ZBED4: variants seen among roughly 807,000 people sequenced by gnomAD.
ZBED4 encodes zinc finger BED-type containing 4.
In ZBED4, 4 loss-of-function variants were observed where a neutral mutation model predicts 15.5. The observed-to-expected ratio is 0.26, with a 90% CI of 0.13 to 0.59. The LOEUF is 0.59. Ranked by LOEUF, ZBED4 falls within the 20% of genes least tolerant of loss-of-function variation. The pLI, the probability that ZBED4 is intolerant of heterozygous loss-of-function variation, is 0.90. For synonymous variants in ZBED4, 692 were observed against 608.5 expected, an observed-to-expected ratio of 1.14 and a Z score of -2.02; for missense variants, 1,323 against 1,461.8, an observed-to-expected ratio of 0.91 and a Z score of 1.55.
chr22:49,878,358 A>G (rs920880113), intron 1 of ZBED4, among the ~76,000 whole-genome samples: 4 of 151,716 alleles, frequency 2.6e-5, no homozygotes, highest in African/African-American at 9.7e-5. Context: ...CTCAAGAGTA[A>G]TAATAACTGG....
chr22:49,859,000 A>C (rs956636721), intron 1 of ZBED4, among the ~76,000 whole-genome samples: 2 of 151,966 alleles, frequency 1.3e-5, no homozygotes, highest in South Asian at 4.2e-4. Context: ...GACTTTGCTC[A>C]CTGGCCCTTT....
rs759274549 is a variant in ZBED4, at chr22:49,885,609, C to A, written c.1947C>A (p.Tyr649Ter). 2.5e-6 allele frequency: 4 copies of A among 1,609,940 alleles called. No homozygotes were observed. The highest frequency in any genetic ancestry group is 3.4e-6 in the Non-Finnish European group (4 of 1,176,898). The part of the protein sequence containing the change: ...SSFDDTNEKF[Y>*]DSHPVAKKIT... ...TTGATGACACCAATGAGAAGTTTTACGATTCTCACCCAGTTGCCAAAAAAA... is the reference window on the plus strand; with the variant it reads ...TTGATGACACCAATGAGAAGTTTTAAGATTCTCACCCAGTTGCCAAAAAAA... The change falls in exon 2 of 2, where the codon TAC (tyrosine) becomes TAA (stop). Residue 649 changes from tyrosine to a stop codon, truncating the protein, a stop_gained. Coordinates refer to ENST00000216268, the MANE Select transcript of ZBED4 (RefSeq NM_014838.3). LOFTEE classifies it high-confidence loss of function.
intron 1 of ZBED4, among the ~76,000 whole-genome samples, chr22:49,868,350 C>G (rs970439309): frequency 6.6e-6 from 1 of 152,192 alleles, no homozygotes; most frequent in Admixed American, 6.5e-5. Context: ...CTGGCTGAGG[C>G]TGGTGGATCA....
At chr22:49,855,658 A>C (rs1400135578) in intron 1 of ZBED4, among the ~76,000 whole-genome samples, 7 of 152,110 alleles carry the variant, frequency 4.6e-5, no homozygotes. Flanking sequence ...AGGAGCAGGA[A>C]GTGACCGTGG....
chr22:49,873,180 A>T (rs1292185847), intron 1 of ZBED4, among the ~76,000 whole-genome samples: 19 of 152,224 alleles, frequency 1.2e-4, no homozygotes, highest in African/African-American at 4.6e-4. Flanking sequence ...TGTTGGTACA[A>T]GAGTCCTAGC....
intron 1 of ZBED4, among the ~76,000 whole-genome samples, chr22:49,876,559 C>T (rs185795827): frequency 1.5e-4 from 22 of 151,520 alleles, no homozygotes; most frequent in African/African-American, 3.9e-4. Context: ...AATCTTTACC[C>T]GGTATTAATG....
intron 1 of ZBED4, among the ~76,000 whole-genome samples, chr22:49,855,828 C>T (rs968808244): frequency 6.6e-6 from 1 of 152,180 alleles, no homozygotes; most frequent in African/African-American, 2.4e-5. Flanking sequence ...CAAGCTGGCC[C>T]TTCCTTACCA....
chr22:49,865,955 T>A (rs938090404), intron 1 of ZBED4, among the ~76,000 whole-genome samples: 12 of 150,724 alleles, frequency 8.0e-5, no homozygotes, highest in African/African-American at 2.9e-4. Context: ...CAAGCAGCCC[T>A]CCCGCCTCCA....
chr22:49,871,762 T>TTATTTA (rs753588917), intron 1 of ZBED4, among the ~76,000 whole-genome samples: 1 of 149,178 alleles, frequency 6.7e-6, no homozygotes, highest in African/African-American at 2.5e-5. Flanking sequence ...TATTTATTTT[T>TTATTTA]TTTTTTTTTT....
In ZBED4 at chr22:49,883,595, G is replaced by A; in HGVS notation, c.-68G>A. 2 of 1,457,066 alleles carry A rather than the reference G, an allele frequency of 1.4e-6. No individual in the cohort carries two copies. The highest frequency in any genetic ancestry group is 1.8e-6 in the Non-Finnish European group (2 of 1,097,962). The allele number at this position is 1,457,066 out of a possible 1,614,324, so 90.3% of individuals were successfully genotyped here. On this transcript the variant is annotated 5_prime_UTR_variant, in exon 2 of 2. Transcript: ENST00000216268. ...AAAGTGAAGATAATCTACATTCGGG[G>A]GCACAAATGAGCACTTGGATCAGTG...
intron 1 of ZBED4, among the ~76,000 whole-genome samples, chr22:49,855,550 G>C (rs1404146047): frequency 6.6e-6 from 1 of 152,212 alleles, no homozygotes; most frequent in African/African-American, 2.4e-5. Flanking sequence ...TGTGTGTGCA[G>C]AGGAGCTGAG....
chr22:49,858,708 A>G (rs1266325169), intron 1 of ZBED4, among the ~76,000 whole-genome samples: 1 of 152,186 alleles, frequency 6.6e-6, no homozygotes, highest in South Asian at 2.1e-4. Context: ...CGCGTCATCG[A>G]TGGCGTCTAC....
intron 1 of ZBED4, among the ~76,000 whole-genome samples, chr22:49,878,915 C>T (rs1225866749): frequency 2.0e-5 from 3 of 151,706 alleles, no homozygotes; most frequent in Admixed American, 6.6e-5. Context: ...GAGGCCGAGG[C>T]GGGCAGATCA....
rs1267572739 is a variant in ZBED4, at chr22:49,885,460, C to T, written c.1798C>T (p.Leu600Phe). 3.7e-6 allele frequency: 6 copies of T among 1,612,154 alleles called. No homozygotes were observed. Among genetic ancestry groups the T allele is most frequent in the Non-Finnish European group, 5.1e-6 (6 of 1,178,392 alleles). ...GCCGACTAACTTGGGTACCAGCTGTCTTCTGAGACATTTACAGCGGTTCCA... is the reference window on the plus strand; with the variant it reads ...GCCGACTAACTTGGGTACCAGCTGTTTTCTGAGACATTTACAGCGGTTCCA... ...KKPTNLGTSCLLRHLQRFHSN... is the reference protein window; with the variant it reads ...KKPTNLGTSCFLRHLQRFHSN... Residue 600 changes from leucine (L) to phenylalanine (F), a missense_variant, in exon 2 of 2, where the codon CTT becomes TTT. Leu to Phe is a conservative substitution (Grantham distance 22). Around this residue, in one of 6 missense-constraint regions of ZBED4, gnomAD observed 429 missense variants for 397.9 expected, o/e 1.08. Coordinates refer to ENST00000216268, the MANE Select transcript of ZBED4 (RefSeq NM_014838.3).
chr22:49,859,611 T>C (rs2147500483), intron 1 of ZBED4, among the ~76,000 whole-genome samples: 1 of 152,360 alleles, frequency 6.6e-6, no homozygotes, highest in Admixed American at 6.5e-5. Flanking sequence ...ACGTAGTCAT[T>C]GTGCTTGTCT....
At chr22:49,869,133 A>AAG (rs1266886838) in intron 1 of ZBED4, among the ~76,000 whole-genome samples, 10 of 151,898 alleles carry the variant, frequency 6.6e-5, no homozygotes, top group African/African-American at 2.4e-4. Context: ...AAAAAAAAAA[A>AAG]AAAAGAAAAA....
chr22:49,873,675 G>A (rs924867711), intron 1 of ZBED4, among the ~76,000 whole-genome samples: 5 of 141,538 alleles, frequency 3.5e-5, no homozygotes, highest in African/African-American at 1.6e-4. Context: ...GCAGTAAAGC[G>A]AGGTGCGGTG....
intron 1 of ZBED4, among the ~76,000 whole-genome samples, chr22:49,856,703 G>C (rs1324417231): frequency 2.8e-5 from 1 of 35,966 alleles, no homozygotes; most frequent in African/African-American, 4.5e-5. Context: ...CCCATCCCTC[G>C]TTCTAGGTGA....
At chr22:49,882,937 G>C (rs540064064) in intron 1 of ZBED4, among the ~76,000 whole-genome samples, 14 of 152,322 alleles carry the variant, frequency 9.2e-5, no homozygotes, top group African/African-American at 3.1e-4. Context: ...TCATGTATCA[G>C]GTCTTCTAGC....
Sources: allele counts gnomAD v4.1 joint callset (sites outside exome capture counted in the v4.1 genomes callset), GRCh38; gene constraint gnomAD v4.1.1; regional missense constraint gnomAD v4.1.1; transcripts MANE v1.5; gene names NCBI Gene and HGNC (gene_info 2026-07-23, HGNC 2026-07-21).